The following USP20 variants were observed in gnomAD, a reference collection of about 807,000 sequenced individuals.
USP20 encodes the protein ubiquitin specific peptidase 20, also known as ubiquitin carboxyl-terminal hydrolase 20.
Under a neutral mutation model 124.2 loss-of-function variants are expected in USP20, and 80 were observed. The ratio of observed to expected loss-of-function variants is 0.64; its 90% CI spans 0.54 to 0.78. USP20 has a LOEUF of 0.78. USP20 is among the 30% of genes least tolerant of loss of function. USP20 has a pLI of 0.00. For synonymous variants in USP20, 481 were observed against 512.3 expected (o/e 0.94, Z 0.83); for missense variants, 1,043 against 1,244.4 (o/e 0.84, Z 2.44).
chr9:129,841,329 G>C (rs977018507), intron 1 of USP20, among the ~76,000 whole-genome samples: 7 of 152,152 alleles, frequency 4.6e-5, no homozygotes, highest in Non-Finnish European at 1.0e-4. Flanking sequence ...AAAGATACCA[G>C]TAAGATTAGA....
At chr9:129,873,080 C>CTTTTT (rs59712662) in intron 15 of USP20, among the ~76,000 whole-genome samples, 53,751 of 78,504 alleles carry the variant, frequency 0.68, 17,982 homozygotes, top group East Asian at 0.81. Flanking sequence ...TTTTCTTCTT[C>CTTTTT]TTTTTTTTTT....
intron 17 of USP20, 116 bp downstream of exon 17, chr9:129,873,860 G>A (rs776562569): frequency 4.4e-5 from 56 of 1,271,264 alleles, no homozygotes; most frequent in African/African-American, 1.0e-4. Context: ...TGCAGGGGCC[G>A]TGGAGACTCC....
intron 3 of USP20, 53 bp from the exon 4 acceptor site, chr9:129,856,254 C>A: frequency 6.3e-7 from 1 of 1,578,680 alleles, no homozygotes; most frequent in Non-Finnish European, 8.7e-7. Flanking sequence ...AGTGCTCAGC[C>A]CCGCAACGGG....
intron 1 of USP20, among the ~76,000 whole-genome samples, chr9:129,844,623 C>CAA (rs1191781066): frequency 2.3e-3 from 167 of 72,200 alleles, no homozygotes; most frequent in Middle Eastern, 7.1e-3. Context: ...GACTCTGTCT[C>CAA]AAAAAAAAAA....
Position 129,860,945 on chromosome 9 carries a change from G to GCCCC in USP20, c.341_342insCCCC (p.Ser116ThrfsTer14). ...TTGGGTCTTTAACACAGGACTCCCC[G>GCCCC]CCACCCTCCCACCCTCTGAAAGCTG... On this transcript the variant is annotated frameshift_variant, in exon 7 of 26. Coordinates refer to ENST00000372429, the MANE Select transcript of USP20 (RefSeq NM_001110303.4). LOFTEE classifies it high-confidence loss of function. 5 of 1,501,370 alleles carry GCCCC rather than the reference G, an allele frequency of 3.3e-6. No homozygotes were observed. The highest frequency in any genetic ancestry group is 4.6e-6 in the Non-Finnish European group (5 of 1,086,556). 93.0% of individuals were successfully genotyped at this position (1,501,370 alleles called of 1,614,324 possible).
intron 1 of USP20, among the ~76,000 whole-genome samples, chr9:129,847,897 ATT>A (rs35466615): frequency 4.9e-4 from 65 of 133,772 alleles, no homozygotes; most frequent in Middle Eastern, 3.8e-3. Flanking sequence ...TTTGTATCTG[ATT>A]TTTTTTTTTT....
chr9:129,871,812 G>C (rs2034142746), intron 15 of USP20, among the ~76,000 whole-genome samples: 1 of 152,114 alleles, frequency 6.6e-6, no homozygotes, highest in Admixed American at 6.5e-5. Context: ...CACCTCCTGG[G>C]TTTAAGCGAT....
At chr9:129,861,118 C>T in intron 7 of USP20, 85 bp downstream of exon 7, 1 of 1,216,908 alleles carries the variant, frequency 8.2e-7, no homozygotes, top group South Asian at 1.2e-5. Context: ...GTCTTGGTCT[C>T]TATTTGCACC....
At chr9:129,875,195 C>A in intron 19 of USP20, 115 bp from the exon 20 acceptor site, 1 of 1,289,998 alleles carries the variant, frequency 7.8e-7, no homozygotes, top group Non-Finnish European at 1.0e-6. Flanking sequence ...CCGTGAAGGA[C>A]CCAGGAGGTG....
At chr9:129,876,013 C>T in intron 21 of USP20, 117 bp from the exon 22 acceptor site, 1 of 897,216 alleles carries the variant, frequency 1.1e-6, no homozygotes, top group Non-Finnish European at 1.7e-6. Flanking sequence ...TGCATGCAGG[C>T]CTGCGACAGC....
At chr9:129,868,596 T>C in intron 11 of USP20, 147 bp downstream of exon 11, 1 of 1,427,872 alleles carries the variant, frequency 7.0e-7, no homozygotes, top group Non-Finnish European at 9.2e-7. Context: ...CCGGGGGGGC[T>C]CAGTGATGTG....
chr9:129,880,085 G>C (rs1228311777), intron 24 of USP20, 28 bp from the exon 25 acceptor site: 2 of 1,609,592 alleles, frequency 1.2e-6, no homozygotes, highest in Non-Finnish European at 1.7e-6. Context: ...GCAAAGGTGA[G>C]CCTAGGGGTG....
rs912483676 is a variant in USP20, at chr9:129,860,085, C to T, written c.331-852C>T. Among the ~76,000 whole-genome samples the T allele has an allele frequency of 3.3e-5, 5 of 151,982 alleles. No homozygotes were observed. In the East Asian group the frequency reaches 9.7e-4, roughly 29 times the overall value. ...GTGGCTCATTCCTGTAATCCCAGCA[C>T]TTTGGGAGGCCGAGGCGGGCAGATC... On this transcript the variant is annotated intron_variant, in intron 6 of 25. Transcript: ENST00000372429.
intron 6 of USP20, among the ~76,000 whole-genome samples, chr9:129,859,510 G>C (rs2033423924): frequency 6.6e-6 from 1 of 151,448 alleles, no homozygotes; most frequent in African/African-American, 2.4e-5. Context: ...CTGACCTCAA[G>C]TGATCCGCCT....
rs2034004523 is a variant in USP20 at position 129,869,422 on chromosome 9, C to T, written c.1389C>T (p.Asp463=). ...ILSLVQCLTC[D]RVSTTVETFQ... The stretch of plus-strand genomic sequence containing the variant: ...GCCTTGTGCAGTGTCTCACCTGTGA[C>T]CGGGTGGGTGCCCCAGGGATGGGGG... The change falls in exon 13 of 26, where the codon GAC becomes GAT. Residue 463 remains aspartate (D), a synonymous_variant. Coordinates refer to ENST00000372429, the MANE Select transcript of USP20 (RefSeq NM_001110303.4). 1 of 1,613,242 alleles carries T rather than the reference C, an allele frequency of 6.2e-7. No homozygotes were observed. Among genetic ancestry groups the T allele is most frequent in the Non-Finnish European group, 8.5e-7 (1 of 1,179,642 alleles).
chr9:129,860,223 A>G (rs2033466365), intron 6 of USP20, among the ~76,000 whole-genome samples: 1 of 151,086 alleles, frequency 6.6e-6, no homozygotes, highest in Admixed American at 6.6e-5. Flanking sequence ...CCAGCTAGTC[A>G]GGAGGCTGAG....
intron 1 of USP20, among the ~76,000 whole-genome samples, chr9:129,847,340 T>TC (rs1389620538): frequency 1.3e-5 from 2 of 148,792 alleles, no homozygotes; most frequent in African/African-American, 2.5e-5. Flanking sequence ...TCTTGCTCTG[T>TC]CGCCCAGGCT....
At chr9:129,865,277 G>A (rs2033767718) in intron 9 of USP20, 26 bp from the exon 10 acceptor site, 1 of 1,613,524 alleles carries the variant, frequency 6.2e-7, no homozygotes, top group Non-Finnish European at 8.5e-7. Context: ...AGGCTACCTG[G>A]ACTAATGGGT....
chr9:129,837,382 G>A (rs940423430), intron 1 of USP20, among the ~76,000 whole-genome samples: 6 of 152,208 alleles, frequency 3.9e-5, no homozygotes, highest in Admixed American at 2.6e-4. Flanking sequence ...CCTTTCTGGA[G>A]CCAGATGAAA....
Sources: gnomAD v4.1 joint callset for allele counts (sites outside exome capture counted in the v4.1 genomes callset) on GRCh38, gnomAD v4.1.1 for gene constraint, MANE v1.5 for transcripts, NCBI Gene and HGNC (gene_info 2026-07-23, HGNC 2026-07-21) for gene names.